Variants in FAM184B observed in about 807,000 individuals in gnomAD.
FAM184B encodes the protein protein FAM184B.
FAM184B carries 111 observed loss-of-function variants against 135.9 expected under a neutral mutation model. The ratio of observed to expected loss-of-function variants is 0.82; its 90% confidence interval spans 0.70 to 0.96. FAM184B has a LOEUF of 0.96. Ranked by LOEUF, FAM184B falls within the 40% of genes least tolerant of loss-of-function variation. The pLI is 0.00. For synonymous variants in FAM184B, 552 were observed against 524.8 expected (o/e 1.05, Z -0.71); for missense variants, 1,375 against 1,323.9 (o/e 1.04, Z -0.60).
Position 17,763,721 on chromosome 4 carries a change from A to T in FAM184B, c.141+17438T>A, listed in dbSNP as rs912505534. Among the ~76,000 whole-genome samples, 89 of 152,000 alleles carry T rather than the reference A, an allele frequency of 5.9e-4. 1 individual carries two copies. Among genetic ancestry groups the T allele is most frequent in the African/African-American group, 2.0e-3 (81 of 41,358 alleles). Reference sequence around the variant, plus strand: ...GAGGCCATCCTTCTCCCACATAAAGAGCTGTATTGTATTTAATGATAAGCC... The same window carrying T: ...GAGGCCATCCTTCTCCCACATAAAGTGCTGTATTGTATTTAATGATAAGCC... On this transcript the variant is annotated intron_variant, in intron 1 of 17. Coordinates refer to ENST00000265018, the MANE Select transcript of FAM184B (RefSeq NM_015688.2).
intron 7 of FAM184B, among the ~76,000 whole-genome samples, chr4:17,678,049 CT>C (rs1420048016): frequency 6.6e-6 from 1 of 152,116 alleles, no homozygotes; most frequent in Non-Finnish European, 1.5e-5. Flanking sequence ...CTATGGCAAA[CT>C]TGCAGCCCAC....
Position 17,709,668 on chromosome 4 carries a change from A to T in FAM184B, c.142-24T>A, listed in dbSNP as rs1426350678. The stretch of plus-strand genomic sequence containing the variant: ...ACCTGCAGGAAAATCAACAGAGCCC[A>T]GTTAGGGTGAGGGGGCTGGGGTGTG... On this transcript the variant is annotated intron_variant, in intron 1 of 17. Transcript: ENST00000265018. 7 of 1,469,782 alleles carry T rather than the reference A, an allele frequency of 4.8e-6. No homozygotes were observed. The South Asian group carries it at 9.8e-5, about 21-fold the overall frequency. The allele number at this position is 1,469,782 out of a possible 1,614,324, so 91.0% of individuals were successfully genotyped here. A position where few individuals can be genotyped will look rare whatever the true frequency, so the allele number is the denominator to read the frequency against.
chr4:17,688,573 T>C, intron 6 of FAM184B, 42 bp from the exon 7 acceptor site: 1 of 1,426,598 alleles, frequency 7.0e-7, no homozygotes. Flanking sequence ...GAAACCAGGT[T>C]CTACCTCCTC....
intron 12 of FAM184B, among the ~76,000 whole-genome samples, chr4:17,645,012 G>A (rs1390105838): frequency 6.6e-6 from 1 of 152,062 alleles, no homozygotes; most frequent in Non-Finnish European, 1.5e-5. Context: ...AAATACCTAG[G>A]AATCCAACTT....
At chr4:17,643,562 C>G (rs1715383408) in intron 12 of FAM184B, among the ~76,000 whole-genome samples, 1 of 152,170 alleles carries the variant, frequency 6.6e-6, no homozygotes, top group Non-Finnish European at 1.5e-5. Context: ...TTTCCCGTCC[C>G]CTCCCATTGG....
At chr4:17,766,833 A>G (rs1450071356) in intron 1 of FAM184B, among the ~76,000 whole-genome samples, 4 of 152,180 alleles carry the variant, frequency 2.6e-5, no homozygotes, top group Non-Finnish European at 5.9e-5. Context: ...TGGGCGGTCA[A>G]TGGGACCAGG....
At chr4:17,731,250 A>C (rs1717768239) in intron 1 of FAM184B, among the ~76,000 whole-genome samples, 1 of 152,242 alleles carries the variant, frequency 6.6e-6, no homozygotes, top group Non-Finnish European at 1.5e-5. Context: ...CATCAAGACA[A>C]GGAAGAAAAC....
At chr4:17,694,722 G>A (rs1685426516) in intron 5 of FAM184B, among the ~76,000 whole-genome samples, 4 of 152,120 alleles carry the variant, frequency 2.6e-5, no homozygotes, top group African/African-American at 9.7e-5. Flanking sequence ...TCAGAGCTGG[G>A]GAGATAAAAG....
chr4:17,680,042 G>T (rs567031434), intron 7 of FAM184B, among the ~76,000 whole-genome samples: 2 of 152,258 alleles, frequency 1.3e-5, no homozygotes, highest in African/African-American at 4.8e-5. Flanking sequence ...TGAGAAGGGG[G>T]TGAGGGGTAA....
chr4:17,695,373 C>A (rs1461017379), intron 5 of FAM184B, among the ~76,000 whole-genome samples: 2 of 151,838 alleles, frequency 1.3e-5, no homozygotes, highest in East Asian at 3.9e-4. Context: ...GCTATGTAGC[C>A]CAGGCTGGTC....
chr4:17,749,698 T>TA (rs1718251045), intron 1 of FAM184B, among the ~76,000 whole-genome samples: 3 of 152,146 alleles, frequency 2.0e-5, no homozygotes, highest in South Asian at 4.1e-4. Context: ...TGTATCATCT[T>TA]AAAAAAATCA....
At chr4:17,674,691 T>C (rs1716272095) in intron 7 of FAM184B, among the ~76,000 whole-genome samples, 1 of 152,230 alleles carries the variant, frequency 6.6e-6, no homozygotes, top group Non-Finnish European at 1.5e-5. Context: ...CTGTCACTGA[T>C]CTATTAACTA....
At chr4:17,680,835 C>A (rs1472222195) in intron 7 of FAM184B, among the ~76,000 whole-genome samples, 1 of 152,124 alleles carries the variant, frequency 6.6e-6, no homozygotes, top group Non-Finnish European at 1.5e-5. Context: ...GTTATTTAAC[C>A]TTTTCTGGAT....
chr4:17,742,314 T>TAAA (rs1718065531), intron 1 of FAM184B, among the ~76,000 whole-genome samples: 1 of 151,450 alleles, frequency 6.6e-6, no homozygotes, highest in Non-Finnish European at 1.5e-5. Flanking sequence ...ACAAAAAATT[T>TAAA]AAAAAATCAG....
chr4:17,772,080 C>T (rs1718831311), intron 1 of FAM184B, among the ~76,000 whole-genome samples: 1 of 152,048 alleles, frequency 6.6e-6, no homozygotes, highest in Non-Finnish European at 1.5e-5. Flanking sequence ...AAGTTTAACC[C>T]CAAAATTATT....
At chr4:17,648,607 G>A (rs1264740003) in intron 11 of FAM184B, among the ~76,000 whole-genome samples, 1 of 151,904 alleles carries the variant, frequency 6.6e-6, no homozygotes, top group Non-Finnish European at 1.5e-5. Flanking sequence ...ACCCACATTA[G>A]CCTCCCAAAG....
chr4:17,658,758 G>A (rs1313371699), intron 9 of FAM184B, among the ~76,000 whole-genome samples, 196 bp from the exon 10 acceptor site: 2 of 152,334 alleles, frequency 1.3e-5, no homozygotes, highest in East Asian at 1.9e-4. Flanking sequence ...CAAATGCCAG[G>A]AAGGAGGAAA....
At chr4:17,778,753 G>A (rs1718978505) in intron 1 of FAM184B, among the ~76,000 whole-genome samples, 1 of 152,088 alleles carries the variant, frequency 6.6e-6, no homozygotes, top group Non-Finnish European at 1.5e-5. Context: ...TAGCTACTTG[G>A]GAGTCTGAGG....
intron 1 of FAM184B, among the ~76,000 whole-genome samples, chr4:17,719,858 T>A (rs754806975): frequency 6.6e-6 from 1 of 152,204 alleles, no homozygotes; most frequent in East Asian, 1.9e-4. Context: ...GTGATGTCCA[T>A]GTTACTAAAA....
Sources: gnomAD v4.1 joint callset for allele counts (sites outside exome capture counted in the v4.1 genomes callset) on GRCh38, gnomAD v4.1.1 for gene constraint, MANE v1.5 for transcripts, NCBI Gene and HGNC (gene_info 2026-07-23, HGNC 2026-07-21) for gene names.